HGF: variants seen among roughly 807,000 people sequenced by gnomAD.
HGF encodes the protein fibroblast-derived tumor cytotoxic factor.
Under a neutral mutation model 111.6 loss-of-function variants are expected in HGF, and 39 were observed. That is an observed-to-expected ratio of 0.35 (90% CI 0.27 to 0.46). The LOEUF (loss-of-function observed/expected upper bound fraction) is 0.46, where lower values mean the gene tolerates loss of function less well. Ranked by LOEUF, HGF falls within the 20% of genes least tolerant of loss-of-function variation. The pLI, the probability that HGF is intolerant of heterozygous loss-of-function variation, is 1.00. For synonymous variants in HGF, 285 were observed against 294.8 expected, an observed-to-expected ratio of 0.97 and a Z score of 0.34; for missense variants, 735 against 910.5, an observed-to-expected ratio of 0.81 and a Z score of 2.48.
At position 81,741,742 on chromosome 7, in the gene HGF, C is replaced by A. The variant is rs188613973; in HGVS notation, c.865+1611G>T. Among the ~76,000 whole-genome samples, 6 of 151,830 alleles carry A rather than the reference C, an allele frequency of 4.0e-5. No individual in the cohort carries two copies. The East Asian group carries it at 1.2e-3, about 30-fold the overall frequency. ...TCACCTGAGGTCGGGAGTTCGAGAC[C>A]AGCCTGACCAACATAGAGAAACCCT... On this transcript the variant is annotated intron_variant, in intron 7 of 17. Transcript: ENST00000222390.
chr7:81,711,776 T>C (rs1365304983), intron 11 of HGF, among the ~76,000 whole-genome samples: 1 of 152,092 alleles, frequency 6.6e-6, no homozygotes, highest in African/African-American at 2.4e-5. Flanking sequence ...CCCAAGTAGC[T>C]GGAACCACAG....
At chr7:81,767,996 C>T (rs1473727002) in intron 1 of HGF, among the ~76,000 whole-genome samples, 2 of 152,148 alleles carry the variant, frequency 1.3e-5, no homozygotes, top group Non-Finnish European at 2.9e-5. Context: ...TTAGAATTAT[C>T]CACTTCAGGA....
chr7:81,766,564 A>G (rs1429953130), intron 1 of HGF, among the ~76,000 whole-genome samples: 2 of 152,166 alleles, frequency 1.3e-5, no homozygotes, highest in Non-Finnish European at 2.9e-5. Context: ...GAAGACAGAG[A>G]CTGTGTCAGA....
chr7:81,745,966 G>A (rs1317546158), intron 5 of HGF, among the ~76,000 whole-genome samples: 1 of 152,164 alleles, frequency 6.6e-6, no homozygotes, highest in East Asian at 1.9e-4. Flanking sequence ...GCATCCTGTG[G>A]AATAAATCAT....
chr7:81,721,743 T>C (rs1583938503), intron 9 of HGF, among the ~76,000 whole-genome samples: 1 of 152,204 alleles, frequency 6.6e-6, no homozygotes, highest in Admixed American at 6.5e-5. Flanking sequence ...ACACATGATG[T>C]CACTTTGTTC....
At position 81,700,155 on chromosome 7, in the gene HGF, G is replaced by A. The variant is rs1159859733; in HGVS notation, c.*2426C>T. The A allele has an allele frequency of 2.0e-5, 3 of 151,508 alleles. No homozygotes were observed. The highest frequency in any genetic ancestry group is 7.3e-5 in the African/African-American group (3 of 41,352). The allele number at this position is 151,508 out of a possible 1,614,324, so 9.4% of individuals were successfully genotyped here. A position where few individuals can be genotyped will look rare whatever the true frequency, so the allele number is the denominator to read the frequency against. On this transcript the variant is annotated 3_prime_UTR_variant, in exon 18 of 18. Coordinates refer to ENST00000222390, the MANE Select transcript of HGF (RefSeq NM_000601.6). ...TTTTGTCAATGACACAAAATAAAGTGGATTGTTGGATTTTTAAAAATGTTT... is the reference window on the plus strand; with the variant it reads ...TTTTGTCAATGACACAAAATAAAGTAGATTGTTGGATTTTTAAAAATGTTT...
intron 9 of HGF, among the ~76,000 whole-genome samples, chr7:81,724,648 TG>T (rs1789958451): frequency 6.6e-6 from 1 of 152,190 alleles, no homozygotes; most frequent in Non-Finnish European, 1.5e-5. Context: ...TCACCGGGGT[TG>T]GGTGCATAGA....
chr7:81,743,849 G>T (rs1431169393), intron 6 of HGF, among the ~76,000 whole-genome samples: 1 of 152,132 alleles, frequency 6.6e-6, no homozygotes, highest in Non-Finnish European at 1.5e-5. Context: ...CAAACTGAAA[G>T]TTCAGTTTCA....
chr7:81,764,297 C>G (rs536014278), intron 1 of HGF, among the ~76,000 whole-genome samples: 1 of 152,078 alleles, frequency 6.6e-6, no homozygotes, highest in Non-Finnish European at 1.5e-5. Context: ...AGAGAAAACA[C>G]GAGGTCCTCT....
intron 7 of HGF, 51 bp from the exon 8 acceptor site, chr7:81,729,830 A>C (rs374510225): frequency 6.4e-7 from 1 of 1,564,490 alleles, no homozygotes; most frequent in Admixed American, 1.7e-5. Context: ...ATCTTTGAAG[A>C]TGTCATTTGC....
chr7:81,735,486 T>A (rs909674070), intron 7 of HGF, among the ~76,000 whole-genome samples: 8 of 152,102 alleles, frequency 5.3e-5, no homozygotes, highest in Non-Finnish European at 1.0e-4. Flanking sequence ...TTAGGAAAAC[T>A]CAAAGAAACA....
rs1305340910 is a variant in HGF, at chr7:81,757,189, C to A, written c.482G>T (p.Ser161Ile). The A allele has an allele frequency of 6.9e-7, 1 of 1,453,532 alleles. No individual in the cohort carries two copies. Among genetic ancestry groups the A allele is most frequent in the South Asian group, 1.1e-5 (1 of 87,846 alleles). 90.0% of individuals were successfully genotyped at this position (1,453,532 alleles called of 1,614,324 possible). A position where few individuals can be genotyped will look rare whatever the true frequency, so the allele number is the denominator to read the frequency against. The change falls in exon 4 of 18, where the codon AGC becomes ATC. Residue 161 changes from serine (S) to isoleucine (I), a missense_variant and splice_region_variant. Physicochemically the swap from Ser to Ile is moderately radical, Grantham distance 142. Coordinates refer to ENST00000222390, the MANE Select transcript of HGF (RefSeq NM_000601.6). Reference protein sequence around the residue: ...PWSSMIPHEHSFLPSSYRGKD... With the variant: ...PWSSMIPHEHIFLPSSYRGKD... ...TCTCTTTTCTTCATACTGTTCTTACCTGTGTTCGTGTGGTATCATGGAACT... is the reference window on the plus strand; with the variant it reads ...TCTCTTTTCTTCATACTGTTCTTACATGTGTTCGTGTGGTATCATGGAACT...
Position 81,706,175 on chromosome 7 carries a change from A to C in HGF, c.1757+112T>G, listed in dbSNP as rs1422976980. The C allele has an allele frequency of 5.5e-6, 5 of 908,598 alleles. No individual in the cohort carries two copies. In the African/African-American group the frequency reaches 6.6e-5, roughly 12 times the overall value. 56.3% of individuals were successfully genotyped at this position (908,598 alleles called of 1,614,324 possible). A position where few individuals can be genotyped will look rare whatever the true frequency, so the allele number is the denominator to read the frequency against. On this transcript the variant is annotated intron_variant, in intron 15 of 17. Transcript: ENST00000222390. ...TATACATATATATACAGCATGTAAC[A>C]TATGTTTATAATGCATCTGTATGAG...
chr7:81,752,026 T>TA (rs1386947026), intron 5 of HGF, 94 bp downstream of exon 5: 1 of 1,568,848 alleles, frequency 6.4e-7, no homozygotes. Flanking sequence ...ACATATTTGT[T>TA]ATGATTGATT....
intron 11 of HGF, among the ~76,000 whole-genome samples, chr7:81,711,901 C>G (rs73613328): frequency 6.6e-6 from 1 of 152,160 alleles, no homozygotes; most frequent in South Asian, 2.1e-4. Context: ...GCCTCAGCCT[C>G]CCAAAGTGCT....
intron 3 of HGF, among the ~76,000 whole-genome samples, chr7:81,757,900 T>C (rs1426405508): frequency 6.6e-6 from 1 of 152,034 alleles, no homozygotes; most frequent in East Asian, 1.9e-4. Flanking sequence ...AGAATGGTGT[T>C]ATACTAGATC....
chr7:81,734,606 G>A (rs1787765659), intron 7 of HGF, among the ~76,000 whole-genome samples: 1 of 151,934 alleles, frequency 6.6e-6, no homozygotes, highest in Admixed American at 6.6e-5. Context: ...TCCCAACAGA[G>A]ACCAAGAGAA....
chr7:81,747,622 T>A (rs1788323918), intron 5 of HGF, among the ~76,000 whole-genome samples: 1 of 152,202 alleles, frequency 6.6e-6, no homozygotes, highest in Admixed American at 6.5e-5. Context: ...ATGCCATGAT[T>A]GAATTGAGAT....
At chr7:81,702,855 G>A (rs1789319817) in intron 17 of HGF, 98 bp from the exon 18 acceptor site, 2 of 965,882 alleles carry the variant, frequency 2.1e-6, no homozygotes, top group East Asian at 5.2e-5. Context: ...GATATATACA[G>A]AAAAAGAGAA....
Sources: gnomAD v4.1 joint callset for allele counts (sites outside exome capture counted in the v4.1 genomes callset) on GRCh38, gnomAD v4.1.1 for gene constraint, MANE v1.5 for transcripts, NCBI Gene and HGNC (gene_info 2026-07-23, HGNC 2026-07-21) for gene names.